CADM1: variants seen among roughly 807,000 people sequenced by gnomAD.
CADM1 encodes cell adhesion molecule 1.
Under a neutral mutation model 53.1 loss-of-function variants are expected in CADM1, and 15 were observed. That is an observed-to-expected ratio of 0.28 (90% CI 0.19 to 0.44). The LOEUF (loss-of-function observed/expected upper bound fraction) is 0.44. Among genes scored for constraint, CADM1 ranks in the 20% least tolerant of loss-of-function variants. CADM1 has a pLI of 1.00. For synonymous variants in CADM1, 281 were observed against 243.0 expected, an observed-to-expected ratio of 1.16 and a Z score of -1.45; for missense variants, 434 against 611.3, an observed-to-expected ratio of 0.71 and a Z score of 3.06.
intron 1 of CADM1, among the ~76,000 whole-genome samples, chr11:115,448,335 T>A (rs1329765035): frequency 1.3e-5 from 2 of 152,160 alleles, no homozygotes; most frequent in Non-Finnish European, 2.9e-5. Context: ...CAATAGTTTC[T>A]GCTATAAATC....
intron 5 of CADM1, among the ~76,000 whole-genome samples, chr11:115,221,167 G>C (rs1308485386): frequency 6.6e-6 from 1 of 152,100 alleles, no homozygotes; most frequent in African/African-American, 2.4e-5. Flanking sequence ...CACTCAGAAT[G>C]GCTTAATGTC....
At chr11:115,224,723 G>T (rs1353415542) in intron 5 of CADM1, among the ~76,000 whole-genome samples, 2 of 152,244 alleles carry the variant, frequency 1.3e-5, no homozygotes, top group Admixed American at 6.5e-5. Context: ...TGAATTCCCA[G>T]CTTATGTCGC....
At chr11:115,178,489 T>TG (rs369019988) in intron 11 of CADM1, among the ~76,000 whole-genome samples, 155 bp downstream of exon 11, 4 of 151,484 alleles carry the variant, frequency 2.6e-5, no homozygotes, top group East Asian at 3.9e-4. Flanking sequence ...TTTTGTTTTT[T>TG]TTTTTTTTTT....
chr11:115,419,894 G>C, intron 1 of CADM1, among the ~76,000 whole-genome samples: 1 of 152,160 alleles, frequency 6.6e-6, no homozygotes, highest in East Asian at 1.9e-4. Context: ...CTGTGCCCAA[G>C]CTCTGAATGT....
chr11:115,241,221 T>C (rs998318485), intron 1 of CADM1, among the ~76,000 whole-genome samples: 2 of 152,222 alleles, frequency 1.3e-5, no homozygotes, highest in African/African-American at 2.4e-5. Context: ...GACGGCAGCC[T>C]GGGCCACCTC....
chr11:115,196,595 T>TAAAAAAAAAAAAAAAAAAAAA (rs61694033), intron 9 of CADM1, among the ~76,000 whole-genome samples: 5 of 76,892 alleles, frequency 6.5e-5, no homozygotes, highest in Admixed American at 3.7e-4. Context: ...GCTGATGAAC[T>TAAAAAAAAAAAAAAAAAAAAA]AAAAAAAAAA....
rs1258182610 is a variant in CADM1 at position 115,355,830 on chromosome 11, A to ATTTTTGT, written c.125-115417_125-115411dup. On this transcript the variant is annotated intron_variant, in intron 1 of 11. Transcript: ENST00000331581. The stretch of plus-strand genomic sequence containing the variant: ...TCTTTTCCTGAGGTAGGTTTTGTTT[A>ATTTTTGT]TTTTTGTTTTTTGTTTTTTGAGACG... Among the ~76,000 whole-genome samples the ATTTTTGT allele has an allele frequency of 4.0e-5, 6 of 151,854 alleles. No individual in the cohort carries two copies. The East Asian group carries it at 5.8e-4, about 15-fold the overall frequency.
chr11:115,401,422 C>G (rs1319462287), intron 1 of CADM1, among the ~76,000 whole-genome samples: 1 of 152,214 alleles, frequency 6.6e-6, no homozygotes, highest in South Asian at 2.1e-4. Flanking sequence ...GCCTGGCCAA[C>G]ATGGTGAAAC....
chr11:115,194,307 A>G (rs558940259), intron 9 of CADM1, among the ~76,000 whole-genome samples: 6 of 152,332 alleles, frequency 3.9e-5, no homozygotes, highest in African/African-American at 1.2e-4. Flanking sequence ...AACTGAATAT[A>G]AAGTATAATA....
intron 1 of CADM1, among the ~76,000 whole-genome samples, chr11:115,468,284 T>A (rs1004112386): frequency 6.6e-6 from 1 of 152,186 alleles, no homozygotes; most frequent in Non-Finnish European, 1.5e-5. Context: ...ACAATCTCAG[T>A]CTTATATTCC....
At chr11:115,186,813 G>C (rs924337610) in intron 10 of CADM1, among the ~76,000 whole-genome samples, 2 of 152,032 alleles carry the variant, frequency 1.3e-5, no homozygotes, top group African/African-American at 4.8e-5. Flanking sequence ...CACTTTATCC[G>C]GTTTTATTGT....
At chr11:115,270,957 A>C (rs936465984) in intron 1 of CADM1, among the ~76,000 whole-genome samples, 1 of 149,950 alleles carries the variant, frequency 6.7e-6, no homozygotes, top group Non-Finnish European at 1.5e-5. Flanking sequence ...TATGAAAAAC[A>C]TCTCAACACA....
chr11:115,351,363 CA>C (rs1945732313), intron 1 of CADM1, among the ~76,000 whole-genome samples: 2 of 152,232 alleles, frequency 1.3e-5, no homozygotes, highest in South Asian at 4.2e-4. Context: ...AATCTGACAA[CA>C]AAAGAATTTC....
chr11:115,502,803 G>C (rs560768215), intron 1 of CADM1, among the ~76,000 whole-genome samples: 58 of 152,084 alleles, frequency 3.8e-4, no homozygotes, highest in Non-Finnish European at 7.6e-4. Flanking sequence ...TGTCTCCTGC[G>C]GTGTTTACAT....
At chr11:115,202,013 T>C (rs1940454373) in intron 8 of CADM1, among the ~76,000 whole-genome samples, 1 of 152,172 alleles carries the variant, frequency 6.6e-6, no homozygotes, top group South Asian at 2.1e-4. Flanking sequence ...ATTTGAAAGA[T>C]GCACATTCTA....
At chr11:115,224,825 G>C (rs569151184) in intron 5 of CADM1, among the ~76,000 whole-genome samples, 1 of 152,266 alleles carries the variant, frequency 6.6e-6, no homozygotes, top group African/African-American at 2.4e-5. Context: ...TATTTGACAA[G>C]AGTACATTCC....
chr11:115,203,400 A>G (rs879616668), intron 8 of CADM1, among the ~76,000 whole-genome samples: 1 of 152,176 alleles, frequency 6.6e-6, no homozygotes, highest in Non-Finnish European at 1.5e-5. Context: ...TGTTGCCACG[A>G]GGGTAGTGAT....
chr11:115,457,866 A>G (rs896612115), intron 1 of CADM1, among the ~76,000 whole-genome samples: 3 of 152,204 alleles, frequency 2.0e-5, no homozygotes, highest in African/African-American at 7.2e-5. Context: ...GCAAGAATAT[A>G]TAAAAACTGC....
chr11:115,471,916 C>T (rs147226899), intron 1 of CADM1, among the ~76,000 whole-genome samples: 4 of 152,228 alleles, frequency 2.6e-5, no homozygotes, highest in African/African-American at 9.6e-5. Context: ...TGTACAGAAG[C>T]TAGCAGGCAT....
Sources: allele counts gnomAD v4.1 joint callset (sites outside exome capture counted in the v4.1 genomes callset), GRCh38; gene constraint gnomAD v4.1.1; transcripts MANE v1.5; gene names NCBI Gene and HGNC (gene_info 2026-07-23, HGNC 2026-07-21).